ZNF541: variants seen among roughly 807,000 people sequenced by gnomAD.
ZNF541 encodes zinc finger protein 541.
ZNF541 carries 23 observed loss-of-function variants against 123.5 expected under a neutral mutation model. That is an observed-to-expected ratio of 0.19 (90% confidence interval 0.13 to 0.26). The LOEUF (loss-of-function observed/expected upper bound fraction) is 0.26. ZNF541 is among the 10% of genes least tolerant of loss of function. The probability of loss-of-function intolerance (pLI) is 1.00; values close to 1 mark genes in which losing one functional copy is unlikely to be tolerated. For synonymous variants in ZNF541, 751 were observed against 754.5 expected, an observed-to-expected ratio of 1.00 and a Z score of 0.08; for missense variants, 1,612 against 1,789.9, an observed-to-expected ratio of 0.90 and a Z score of 1.79.
intron 6 of ZNF541, 57 bp from the exon 7 acceptor site, chr19:47,540,392 G>A (rs886091247): frequency 2.6e-5 from 38 of 1,436,696 alleles, no homozygotes; most frequent in Non-Finnish European, 3.2e-5. Context: ...CTTGATCACT[G>A]ATTTTTTGTT....
intron 3 of ZNF541, among the ~76,000 whole-genome samples, chr19:47,551,098 T>G (rs954802255): frequency 3.3e-5 from 5 of 151,030 alleles, no homozygotes; most frequent in African/African-American, 1.2e-4. Context: ...TTGCCCAGGC[T>G]AGAGGGCAGT....
chr19:47,531,817 G>C (rs957777053), intron 11 of ZNF541, 72 bp from the exon 12 acceptor site: 18 of 1,346,208 alleles, frequency 1.3e-5, no homozygotes, highest in African/African-American at 1.2e-4. Context: ...AACCTTTCCC[G>C]AAAGACAGCA....
In ZNF541 at chr19:47,521,399, T is replaced by C. The variant is rs1305151443; in HGVS notation, c.3888-22A>G. On this transcript the variant is annotated intron_variant, in intron 16 of 16. Transcript: ENST00000391901. This position sits in a 1 kb window ranked among gnomAD's most constrained non-coding sequence, Gnocchi z 4.2. ...CACCCTGAGGAGTCACCAGAGGACA[T>C]GGGGTCAGAGCAGGGAGGAAGGGAT... 13 of 1,551,410 alleles carry C rather than the reference T, an allele frequency of 8.4e-6. No individual in the cohort carries two copies. Among genetic ancestry groups the C allele is most frequent in the East Asian group, 4.9e-5 (2 of 40,914 alleles).
intron 2 of ZNF541, among the ~76,000 whole-genome samples, chr19:47,565,622 G>C (rs961226612): frequency 6.6e-6 from 1 of 152,166 alleles, no homozygotes; most frequent in Admixed American, 6.6e-5. Context: ...AACCCAAAAG[G>C]GCCCAGAGTG....
chr19:47,521,118 G>T lies in ZNF541; in HGVS notation c.*106C>A, dbSNP rs751958072. 1.7e-5 allele frequency: 24 copies of T among 1,406,336 alleles called. No homozygotes were observed. The highest frequency in any genetic ancestry group is 1.8e-5 in the Non-Finnish European group (19 of 1,051,966). 87.1% of individuals were successfully genotyped at this position (1,406,336 alleles called of 1,614,324 possible). ...TTTGCAGGCAGGTTGGCCAACAGGGGACAGGGAGGGTGGGGGGAGGCAGAG... is the reference window on the plus strand; with the variant it reads ...TTTGCAGGCAGGTTGGCCAACAGGGTACAGGGAGGGTGGGGGGAGGCAGAG... On this transcript the variant is annotated 3_prime_UTR_variant, in exon 17 of 17. Transcript: ENST00000391901. The surrounding 1 kb of genome is among the most constrained non-coding windows in gnomAD (Gnocchi z 4.2).
chr19:47,547,228 G>A (rs925942633), intron 4 of ZNF541, among the ~76,000 whole-genome samples: 19 of 152,006 alleles, frequency 1.2e-4, no homozygotes, highest in Admixed American at 3.9e-4. Flanking sequence ...GTGCCTTACC[G>A]TAGGAGACCC....
chr19:47,528,881 G>A lies in ZNF541; in HGVS notation c.3570+69C>T, dbSNP rs2122926077. ...GGTGGGGCCCTCCGACCCCCGACCA[G>A]CCCTGCAGCTCTAGCTTGTCTCAGC... On this transcript the variant is annotated intron_variant, in intron 14 of 16. Transcript: ENST00000391901. 3 of 1,337,752 alleles carry A rather than the reference G, an allele frequency of 2.2e-6. No individual in the cohort carries two copies. In the South Asian group the frequency reaches 3.8e-5, roughly 17 times the overall value. The allele number at this position is 1,337,752 out of a possible 1,614,324, so 82.9% of individuals were successfully genotyped here.
In ZNF541 at chr19:47,545,681, A is replaced by T; in HGVS notation, c.848T>A (p.Val283Asp). 1 of 1,548,324 alleles carries T rather than the reference A, an allele frequency of 6.5e-7. No homozygotes were observed. Among genetic ancestry groups the T allele is most frequent in the Non-Finnish European group, 8.7e-7 (1 of 1,146,626 alleles). The part of the protein sequence containing the change: ...DLLRRIVSSI[V>D]HQKTPSPGPA... Reference sequence around the variant, plus strand: ...GCCAGGAGAAGGGGTCTTCTGGTGGACGATGCTACTCACGATGCGGCGCAG... The same window carrying T: ...GCCAGGAGAAGGGGTCTTCTGGTGGTCGATGCTACTCACGATGCGGCGCAG... The change falls in exon 5 of 17, where the codon GTC becomes GAC. Residue 283 changes from valine (V) to aspartate (D), a missense_variant. By Grantham distance (152) the Val-to-Asp change is radical. Around this residue, in one of 5 missense-constraint regions of ZNF541, gnomAD observed 1,080 missense variants for 1,013.8 expected, o/e 1.07. Transcript: ENST00000391901. This position sits in a 1 kb window ranked among gnomAD's most constrained non-coding sequence, Gnocchi z 7.5.
rs370276454 is a variant in ZNF541, at chr19:47,559,234, T to C, written c.-98-3280A>G. Among the ~76,000 whole-genome samples the C allele has an allele frequency of 2.7e-4, 41 of 151,334 alleles. No individual in the cohort carries two copies. In the East Asian group the frequency reaches 5.1e-3, roughly 19 times the overall value. On this transcript the variant is annotated intron_variant, in intron 2 of 16. Coordinates refer to ENST00000391901, the MANE Select transcript of ZNF541 (RefSeq NM_001277075.3). ...AAAAATACAAAAACTTAGCTGGGCA[T>C]GATGGTAGGCACCTGTAATCTCAGC...
chr19:47,548,956 G>A (rs910338640), intron 4 of ZNF541, among the ~76,000 whole-genome samples: 3 of 151,682 alleles, frequency 2.0e-5, no homozygotes, highest in Non-Finnish European at 4.4e-5. Flanking sequence ...GCGGGCGCTT[G>A]TAATCCTAGC....
chr19:47,542,688 C>G (rs1313227520), intron 5 of ZNF541, among the ~76,000 whole-genome samples: 1 of 151,882 alleles, frequency 6.6e-6, no homozygotes, highest in Admixed American at 6.6e-5. Flanking sequence ...TGGCTCACAC[C>G]TGCAATCTCA....
At chr19:47,551,833 T>C (rs1371807346) in intron 3 of ZNF541, among the ~76,000 whole-genome samples, 1 of 149,878 alleles carries the variant, frequency 6.7e-6, no homozygotes, top group Admixed American at 6.7e-5. Flanking sequence ...ACATAGCACC[T>C]GGCTTAAACT....
At chr19:47,526,738 A>ATAC (rs1289358550) in intron 14 of ZNF541, among the ~76,000 whole-genome samples, 1 of 152,112 alleles carries the variant, frequency 6.6e-6, no homozygotes, top group Non-Finnish European at 1.5e-5. Context: ...TGCCGGTAGG[A>ATAC]ATGTGAAATG....
chr19:47,544,751 A>G lies in ZNF541; in HGVS notation c.1778T>C (p.Leu593Pro). 6.7e-7 allele frequency: 1 copy of G among 1,502,154 alleles called. No individual in the cohort carries two copies. Among genetic ancestry groups the G allele is most frequent in the South Asian group, 1.3e-5 (1 of 79,060 alleles). The allele number at this position is 1,502,154 out of a possible 1,614,324, so 93.1% of individuals were successfully genotyped here. Reference protein sequence around the residue: ...PEGKPAALRPLQGPWPQQPPP... With the variant: ...PEGKPAALRPPQGPWPQQPPP... ...GGGCTGCTGCGGCCACGGCCCCTGC[A>G]GCGGCCTCAGGGCGGCTGGTTTGCC... The change falls in exon 5 of 17, where the codon CTG becomes CCG. Residue 593 changes from leucine to proline, a missense_variant. Coordinates refer to ENST00000391901, the MANE Select transcript of ZNF541 (RefSeq NM_001277075.3).
intron 2 of ZNF541, among the ~76,000 whole-genome samples, chr19:47,568,646 C>T: frequency 6.6e-6 from 1 of 151,378 alleles, no homozygotes; most frequent in East Asian, 1.9e-4. Flanking sequence ...ACCCGGCCTG[C>T]AATTTCCTTC....
At position 47,544,256 on chromosome 19, in the gene ZNF541, C is replaced by T. The variant is rs944815994; in HGVS notation, c.2273G>A (p.Arg758Gln). The change falls in exon 5 of 17, where the codon CGG (arginine) becomes CAG (glutamine). Residue 758 changes from arginine (R) to glutamine (Q), a missense_variant. Physicochemically the swap from Arg to Gln is conservative, Grantham distance 43. Around this residue, in one of 5 missense-constraint regions of ZNF541, gnomAD observed 1,080 missense variants for 1,013.8 expected, o/e 1.07. Coordinates refer to ENST00000391901, the MANE Select transcript of ZNF541 (RefSeq NM_001277075.3). ...NPRAPRFSGF[R>Q]KEKAKMDMCC... Reference sequence around the variant, plus strand: ...CATATCCATCTTCGCCTTCTCTTTCCGGAAGCCGGAGAATCGCGGGGCCCT... The same window carrying T: ...CATATCCATCTTCGCCTTCTCTTTCTGGAAGCCGGAGAATCGCGGGGCCCT... 8.4e-6 allele frequency: 13 copies of T among 1,551,580 alleles called. No homozygotes were observed. Among genetic ancestry groups the T allele is most frequent in the Non-Finnish European group, 1.1e-5 (13 of 1,147,006 alleles).
intron 9 of ZNF541, among the ~76,000 whole-genome samples, chr19:47,536,426 C>T (rs1418621247): frequency 1.3e-5 from 2 of 152,098 alleles, no homozygotes; most frequent in South Asian, 2.1e-4. Flanking sequence ...TTAGTAGAGA[C>T]GAGGTTTTGC....
chr19:47,539,590 C>G, intron 8 of ZNF541, 115 bp downstream of exon 8: 2 of 1,195,470 alleles, frequency 1.7e-6, no homozygotes, highest in Non-Finnish European at 2.2e-6. Flanking sequence ...GCATGAGCCA[C>G]CACATCCAGC....
At chr19:47,529,521 C>G (rs1969463187) in intron 13 of ZNF541, 56 bp downstream of exon 13, 31 of 1,526,180 alleles carry the variant, frequency 2.0e-5, no homozygotes, top group Non-Finnish European at 2.8e-5. Context: ...ACAGAGCTGG[C>G]CGATTCATAG....
Sources: allele counts gnomAD v4.1 joint callset (sites outside exome capture counted in the v4.1 genomes callset), GRCh38; gene constraint gnomAD v4.1.1; regional missense constraint gnomAD v4.1.1; non-coding constraint Gnocchi (gnomAD v3.1); transcripts MANE v1.5; gene names NCBI Gene and HGNC (gene_info 2026-07-23, HGNC 2026-07-21).